Variants in EPHA6 observed in about 807,000 individuals in gnomAD.
EPHA6 encodes the protein ephrin type-A receptor 6.
Under a neutral mutation model 112.0 loss-of-function variants are expected in EPHA6, and 50 were observed. That is an observed-to-expected ratio of 0.45 (90% CI 0.36 to 0.56). The LOEUF is 0.56. Among genes scored for constraint, EPHA6 ranks in the 20% least tolerant of loss-of-function variants. The pLI is 0.00. For missense variants in EPHA6, 1,280 were observed against 1,417.4 expected, an observed-to-expected ratio of 0.90 and a Z score of 1.56; for synonymous variants, 529 against 490.7, an observed-to-expected ratio of 1.08 and a Z score of -1.03.
chr3:97,069,401 G>T (rs1449392466), intron 3 of EPHA6, among the ~76,000 whole-genome samples: 1 of 152,140 alleles, frequency 6.6e-6, no homozygotes, highest in South Asian at 2.1e-4. Context: ...TAACAGAGTT[G>T]GAAGGGTATC....
Position 97,120,834 on chromosome 3 carries a change from G to A in EPHA6, c.1115-105430G>A, listed in dbSNP as rs193106216. Among the ~76,000 whole-genome samples, 185 of 151,712 alleles carry A rather than the reference G, an allele frequency of 1.2e-3. 1 individual carries two copies. Among genetic ancestry groups the A allele is most frequent in the Non-Finnish European group, 2.4e-4 (16 of 67,850 alleles). The stretch of plus-strand genomic sequence containing the variant: ...TTTGGCATTCATGCTATATTAAAAG[G>A]TATAAACATAAATAATGTTATAGTG... On this transcript the variant is annotated intron_variant, in intron 3 of 17. Transcript: ENST00000389672.
chr3:96,919,125 T>A (rs557852167), intron 2 of EPHA6, among the ~76,000 whole-genome samples: 2 of 152,042 alleles, frequency 1.3e-5, no homozygotes, highest in Non-Finnish European at 2.9e-5. Flanking sequence ...TATGGGCAAC[T>A]GTGGAACGTA....
intron 5 of EPHA6, among the ~76,000 whole-genome samples, chr3:97,317,944 G>A (rs1031449427): frequency 1.3e-5 from 2 of 151,912 alleles, no homozygotes; most frequent in African/African-American, 4.8e-5. Context: ...CTTTGCCAGT[G>A]GGGAGACTTA....
chr3:97,288,721 G>T (rs2873572), intron 5 of EPHA6, among the ~76,000 whole-genome samples: 1 of 151,372 alleles, frequency 6.6e-6, no homozygotes, highest in Non-Finnish European at 1.5e-5. Context: ...TGTACTATGC[G>T]GCCTCACTAG....
intron 11 of EPHA6, among the ~76,000 whole-genome samples, chr3:97,549,882 TC>T (rs1418400862): frequency 3.9e-5 from 6 of 152,160 alleles, no homozygotes; most frequent in African/African-American, 7.2e-5. Flanking sequence ...ATGTTGAATT[TC>T]CTGCTAGCTC....
At chr3:97,710,518 A>G (rs889184903) in intron 14 of EPHA6, among the ~76,000 whole-genome samples, 1 of 152,210 alleles carries the variant, frequency 6.6e-6, no homozygotes, top group African/African-American at 2.4e-5. Flanking sequence ...TGAGCTCTGC[A>G]CTAACACTTC....
At chr3:97,187,705 G>GAAAA (rs1404675998) in intron 3 of EPHA6, among the ~76,000 whole-genome samples, 1 of 137,534 alleles carries the variant, frequency 7.3e-6, no homozygotes, top group East Asian at 2.1e-4. Flanking sequence ...AAGAAAGAAA[G>GAAAA]AAAGAAAGAA....
intron 3 of EPHA6, among the ~76,000 whole-genome samples, chr3:97,032,880 G>A (rs888940773): frequency 6.6e-6 from 1 of 151,872 alleles, no homozygotes; most frequent in African/African-American, 2.4e-5. Flanking sequence ...CCGGTGAACT[G>A]AAGTAAAGTA....
chr3:97,072,151 C>A (rs973125515), intron 3 of EPHA6, among the ~76,000 whole-genome samples: 35 of 152,040 alleles, frequency 2.3e-4, no homozygotes, highest in African/African-American at 8.5e-4. Flanking sequence ...CCCAAATGCC[C>A]ATCAATAGAT....
At chr3:96,981,113 G>T (rs371996321) in intron 2 of EPHA6, among the ~76,000 whole-genome samples, 2 of 151,970 alleles carry the variant, frequency 1.3e-5, no homozygotes, top group Non-Finnish European at 2.9e-5. Context: ...GAGAGAGGGC[G>T]TCCCTGTCTT....
At chr3:97,038,196 CATAAT>C (rs573325030) in intron 3 of EPHA6, among the ~76,000 whole-genome samples, 51 of 152,014 alleles carry the variant, frequency 3.4e-4, no homozygotes, top group African/African-American at 1.2e-3. Context: ...TGTTGAAATG[CATAAT>C]ATATTATTGT....
chr3:97,490,103 T>A (rs1224431152), intron 10 of EPHA6, among the ~76,000 whole-genome samples: 2 of 151,990 alleles, frequency 1.3e-5, no homozygotes, highest in Non-Finnish European at 2.9e-5. Flanking sequence ...ATTCTTAAAC[T>A]AATTTAAAAA....
chr3:97,159,748 C>A (rs73133006), intron 3 of EPHA6, among the ~76,000 whole-genome samples: 11,592 of 152,188 alleles, frequency 0.076, 614 homozygotes, highest in East Asian at 0.17. Context: ...CATTGCCATA[C>A]CTCCTTTGCT....
Position 97,408,167 on chromosome 3 carries a change from C to G in EPHA6, c.1731+2893C>G, listed in dbSNP as rs181866837. 3.9e-5 allele frequency among the ~76,000 whole-genome samples: 6 copies of G among 152,118 alleles called. No homozygotes were observed. In the East Asian group the frequency reaches 9.7e-4, roughly 25 times the overall value. ...GCCATACTTGCCTTTTCATAAAGCA[C>G]CAATCCCACCCAAGAGGGTGTAGCC... On this transcript the variant is annotated intron_variant, in intron 6 of 17. Coordinates refer to ENST00000389672, the MANE Select transcript of EPHA6 (RefSeq NM_001080448.3).
At position 97,720,389 on chromosome 3, in the gene EPHA6, T is replaced by A; in HGVS notation, c.2913T>A (p.Tyr971Ter). ...TCATGTCCTATGGAGAGAGACCTTA[T>A]TGGGAAATGTCTAACCAAGATGTAA... Reference protein sequence around the residue: ...WEVMSYGERPYWEMSNQDVIL... With the variant: ...WEVMSYGERP The change falls in exon 15 of 18, where the codon TAT becomes TAA. Residue 971 changes from tyrosine (Y) to a stop codon, truncating the protein, a stop_gained. Coordinates refer to ENST00000389672, the MANE Select transcript of EPHA6 (RefSeq NM_001080448.3). LOFTEE classifies it high-confidence loss of function. The A allele has an allele frequency of 6.2e-7, 1 of 1,602,042 alleles. No individual in the cohort carries two copies. The highest frequency in any genetic ancestry group is 8.5e-7 in the Non-Finnish European group (1 of 1,175,156).
At chr3:97,452,705 A>G (rs2090566458) in intron 7 of EPHA6, among the ~76,000 whole-genome samples, 1 of 151,692 alleles carries the variant, frequency 6.6e-6, no homozygotes, top group South Asian at 2.1e-4. Flanking sequence ...GAAGCTAGTA[A>G]AAATTTTCTC....
At chr3:96,865,567 A>G (rs2036255945) in intron 1 of EPHA6, among the ~76,000 whole-genome samples, 1 of 151,846 alleles carries the variant, frequency 6.6e-6, no homozygotes, top group South Asian at 2.1e-4. Flanking sequence ...CTGTAGTCCC[A>G]GCTACTCAGA....
At chr3:97,118,163 A>G (rs947488943) in intron 3 of EPHA6, among the ~76,000 whole-genome samples, 1 of 151,878 alleles carries the variant, frequency 6.6e-6, no homozygotes, top group Non-Finnish European at 1.5e-5. Flanking sequence ...CTTTATATAC[A>G]AAAGATTATT....
At chr3:97,307,983 T>G (rs2081390348) in intron 5 of EPHA6, among the ~76,000 whole-genome samples, 2 of 151,302 alleles carry the variant, frequency 1.3e-5, no homozygotes, top group South Asian at 4.2e-4. Flanking sequence ...CCATCAACCT[T>G]TTTTTTTGTG....
Sources: allele counts gnomAD v4.1 joint callset (sites outside exome capture counted in the v4.1 genomes callset), GRCh38; gene constraint gnomAD v4.1.1; transcripts MANE v1.5; gene names NCBI Gene and HGNC (gene_info 2026-07-23, HGNC 2026-07-21).